NKAIN2: variants seen among roughly 807,000 people sequenced by gnomAD.
NKAIN2 encodes the protein sodium/potassium-transporting ATPase subunit beta-1-interacting protein 2.
NKAIN2 carries 14 observed loss-of-function variants against 32.6 expected under a neutral mutation model. The ratio of observed to expected loss-of-function variants is 0.43; its 90% CI spans 0.28 to 0.67. The LOEUF is 0.67. NKAIN2 is among the 30% of genes least tolerant of loss of function. The pLI is 0.17. For synonymous variants in NKAIN2, 80 were observed against 87.2 expected (o/e 0.92, Z 0.46); for missense variants, 198 against 258.3 (o/e 0.77, Z 1.60).
chr6:124,273,150 A>C (rs941492627), intron 1 of NKAIN2, among the ~76,000 whole-genome samples: 1 of 152,042 alleles, frequency 6.6e-6, no homozygotes, highest in African/African-American at 2.4e-5. Context: ...TATGAAAGGG[A>C]CATGAGATTT....
intron 1 of NKAIN2, among the ~76,000 whole-genome samples, chr6:123,817,762 G>A (rs2114879333): frequency 6.6e-6 from 1 of 152,276 alleles, no homozygotes; most frequent in South Asian, 2.1e-4. Context: ...CACATGAATA[G>A]TGGGTATGAA....
chr6:124,364,631 C>T (rs1023667351), intron 3 of NKAIN2, among the ~76,000 whole-genome samples: 7 of 151,874 alleles, frequency 4.6e-5, no homozygotes, highest in Admixed American at 2.6e-4. Context: ...ATTCTTTACC[C>T]TGCAAAAATA....
chr6:124,427,291 G>A (rs938087281), intron 3 of NKAIN2, among the ~76,000 whole-genome samples: 4 of 152,072 alleles, frequency 2.6e-5, no homozygotes, highest in Non-Finnish European at 5.9e-5. Context: ...GATAAATTGT[G>A]ATGTATCCAT....
intron 1 of NKAIN2, among the ~76,000 whole-genome samples, chr6:124,033,300 T>C (rs193148968): frequency 1.4e-4 from 22 of 152,248 alleles, no homozygotes; most frequent in African/African-American, 5.1e-4. Context: ...TGGATGATTA[T>C]GTAAAAAGCA....
chr6:124,134,324 A>G (rs1448033662), intron 1 of NKAIN2, among the ~76,000 whole-genome samples: 1 of 152,140 alleles, frequency 6.6e-6, no homozygotes, highest in Non-Finnish European at 1.5e-5. Flanking sequence ...GCTTTCAACT[A>G]ACCCCATCAG....
chr6:124,199,551 G>C (rs777935764), intron 1 of NKAIN2, among the ~76,000 whole-genome samples: 6 of 152,074 alleles, frequency 3.9e-5, no homozygotes, highest in Admixed American at 6.6e-5. Context: ...GTCCCAAAAG[G>C]CTGTCTGGAA....
At chr6:123,878,563 C>G (rs1254966489) in intron 1 of NKAIN2, among the ~76,000 whole-genome samples, 3 of 152,034 alleles carry the variant, frequency 2.0e-5, no homozygotes, top group Non-Finnish European at 4.4e-5. Context: ...TTTTAAAACC[C>G]TTTTCCTGCA....
Position 123,894,341 on chromosome 6 carries a change from C to T in NKAIN2, c.54+90087C>T, listed in dbSNP as rs201565946. On this transcript the variant is annotated intron_variant, in intron 1 of 6. Transcript: ENST00000368417. ...TGTTCAGATCCTAGCCTTCTGAATC[C>T]TTATAGGCTTTTGGAATTATTTGGG... Among the ~76,000 whole-genome samples, 7 of 152,212 alleles carry T rather than the reference C, an allele frequency of 4.6e-5. No homozygotes were observed. The East Asian group carries it at 1.4e-3, about 29-fold the overall frequency.
chr6:124,577,238 C>T (rs1490616923), intron 3 of NKAIN2, among the ~76,000 whole-genome samples: 1 of 152,062 alleles, frequency 6.6e-6, no homozygotes, highest in African/African-American at 2.4e-5. Flanking sequence ...TTCATAAGAA[C>T]CAAAATCAGG....
intron 2 of NKAIN2, among the ~76,000 whole-genome samples, chr6:124,333,678 A>AATAC (rs1554283514): frequency 6.6e-5 from 10 of 151,408 alleles, no homozygotes; most frequent in South Asian, 2.1e-4. Flanking sequence ...TAAATAAATA[A>AATAC]ATAAATACAT....
chr6:124,563,783 G>A (rs572434064), intron 3 of NKAIN2, among the ~76,000 whole-genome samples: 5 of 152,218 alleles, frequency 3.3e-5, no homozygotes, highest in South Asian at 2.1e-4. Context: ...GGATTCTCGC[G>A]CCTCAGCCTC....
At chr6:124,538,656 T>A (rs1210100746) in intron 3 of NKAIN2, among the ~76,000 whole-genome samples, 1 of 152,144 alleles carries the variant, frequency 6.6e-6, no homozygotes, top group Admixed American at 6.5e-5. Context: ...CAGTGAGAAC[T>A]CACTGTTTTA....
chr6:124,347,665 A>G (rs970811046), intron 2 of NKAIN2, among the ~76,000 whole-genome samples: 7 of 152,016 alleles, frequency 4.6e-5, no homozygotes, highest in African/African-American at 1.4e-4. Context: ...GTAGTTCTCG[A>G]GCCTTGGCTT....
chr6:124,176,767 A>G (rs141588627), intron 1 of NKAIN2, among the ~76,000 whole-genome samples: 1 of 152,136 alleles, frequency 6.6e-6, no homozygotes, highest in African/African-American at 2.4e-5. Flanking sequence ...TTACTAATTT[A>G]ACTGGAATCT....
At chr6:124,336,420 T>C (rs1022496903) in intron 2 of NKAIN2, among the ~76,000 whole-genome samples, 7 of 152,170 alleles carry the variant, frequency 4.6e-5, no homozygotes, top group African/African-American at 1.7e-4. Flanking sequence ...CAGAGTGTTA[T>C]ACAAGGAAAG....
At chr6:124,054,789 G>T (rs1782575287) in intron 1 of NKAIN2, among the ~76,000 whole-genome samples, 2 of 151,994 alleles carry the variant, frequency 1.3e-5, no homozygotes, top group African/African-American at 4.8e-5. Flanking sequence ...AAGATGTGGG[G>T]AAGGAGTCCT....
At chr6:124,161,119 A>G (rs762500900) in intron 1 of NKAIN2, among the ~76,000 whole-genome samples, 7 of 152,168 alleles carry the variant, frequency 4.6e-5, no homozygotes, top group African/African-American at 7.2e-5. Flanking sequence ...TTTATAAGAA[A>G]AGAGGTTTAA....
intron 1 of NKAIN2, among the ~76,000 whole-genome samples, chr6:123,843,405 C>T (rs548197693): frequency 6.6e-6 from 1 of 152,234 alleles, no homozygotes; most frequent in African/African-American, 2.4e-5. Flanking sequence ...TGTTCAGCTG[C>T]CTCTTCTCCT....
Position 124,178,241 on chromosome 6 carries a change from G to A in NKAIN2, c.55-104764G>A, listed in dbSNP as rs116997885. Among the ~76,000 whole-genome samples the A allele has an allele frequency of 2.6e-3, 398 of 152,022 alleles. 1 individual carries two copies. Among genetic ancestry groups the A allele is most frequent in the Non-Finnish European group, 5.0e-3 (341 of 67,986 alleles). On this transcript the variant is annotated intron_variant, in intron 1 of 6. Transcript: ENST00000368417. ...AGAAATACATTTCTGTTGTTTATCA[G>A]ACCCCCCAGTTTCTAGTATTTTGTT...
Sources: allele counts gnomAD v4.1 joint callset (sites outside exome capture counted in the v4.1 genomes callset), GRCh38; gene constraint gnomAD v4.1.1; transcripts MANE v1.5; gene names NCBI Gene and HGNC (gene_info 2026-07-23, HGNC 2026-07-21).